LDB3: variants seen among roughly 807,000 people sequenced by gnomAD.
The protein encoded by LDB3 is LIM domain binding 3, also known as LIM domain-binding protein 3.
Under a neutral mutation model 69.0 loss-of-function variants are expected in LDB3, and 49 were observed. The ratio of observed to expected loss-of-function variants is 0.71; its 90% CI spans 0.56 to 0.90. LDB3 has a LOEUF of 0.90. LDB3 is among the 40% of genes least tolerant of loss of function. The pLI is 0.00. For synonymous variants in LDB3, 387 were observed against 396.2 expected (o/e 0.98, Z 0.28); for missense variants, 928 against 974.1 (o/e 0.95, Z 0.63).
chr10:86,681,329 G>C, intron 4 of LDB3, 107 bp from the exon 5 acceptor site: 7 of 1,531,560 alleles, frequency 4.6e-6, no homozygotes, highest in Non-Finnish European at 6.2e-6. Flanking sequence ...TTCAGGCTGC[G>C]GGGCTCGCGC....
chr10:86,695,792 T>C (rs559381904), intron 7 of LDB3, among the ~76,000 whole-genome samples: 4 of 152,320 alleles, frequency 2.6e-5, no homozygotes, highest in South Asian at 2.1e-4. Context: ...GGCAGCCACA[T>C]TGGGGATAGG....
chr10:86,696,122 G>A (rs4933405), intron 7 of LDB3, among the ~76,000 whole-genome samples: 95,205 of 151,996 alleles, frequency 0.63, 30,029 homozygotes, highest in Admixed American at 0.7. Flanking sequence ...CTTCCAATAA[G>A]ATGCCAGGGC....
At chr10:86,722,451 A>G (rs934498266) in intron 12 of LDB3, among the ~76,000 whole-genome samples, 9 of 150,570 alleles carry the variant, frequency 6.0e-5, no homozygotes, top group Non-Finnish European at 1.0e-4. Context: ...TGGTAGAGAC[A>G]GGGTTTCACC....
In LDB3 at chr10:86,724,446, T is replaced by TA. The variant is rs556783885; in HGVS notation, c.1979-1684dup. Among the ~76,000 whole-genome samples the TA allele has an allele frequency of 1.0e-3, 150 of 148,954 alleles. 1 individual carries two copies. The highest frequency in any genetic ancestry group is 1.8e-3 in the Non-Finnish European group (119 of 67,250). ...GGTGAAGCCCCATCTCTACTAAAAA[T>TA]AAAAAAATATAGCTGGGTGTGGTGG... is the stretch of plus-strand genomic sequence containing the variant. On this transcript the variant is annotated intron_variant, in intron 12 of 13. Transcript: ENST00000361373.
At chr10:86,723,053 G>A (rs1335486646) in intron 12 of LDB3, among the ~76,000 whole-genome samples, 2 of 151,796 alleles carry the variant, frequency 1.3e-5, no homozygotes, top group Non-Finnish European at 2.9e-5. Flanking sequence ...GACCCCTTGA[G>A]CCCAGGAGTT....
chr10:86,718,767 G>GCTT lies in LDB3; in HGVS notation c.1900_1902dup (p.Phe634dup). Reference sequence around the variant, plus strand: ...TTGAGACAGACATGGCACACCACCTGCTTCGTCTGTGCGGCCTGCAAGAAG... The same window carrying GCTT: ...TTGAGACAGACATGGCACACCACCTGCTTCTTCGTCTGTGCGGCCTGCAAGAAG... On this transcript the variant is annotated inframe_insertion, in exon 12 of 14. Coordinates refer to ENST00000361373, the MANE Select transcript of LDB3 (RefSeq NM_007078.3). The GCTT allele has an allele frequency of 1.9e-6, 3 of 1,614,162 alleles. No homozygotes were observed. Among genetic ancestry groups the GCTT allele is most frequent in the Non-Finnish European group, 2.5e-6 (3 of 1,180,032 alleles).
At chr10:86,706,768 A>G in intron 8 of LDB3, 49 bp downstream of exon 8, 2 of 1,557,550 alleles carry the variant, frequency 1.3e-6, no homozygotes, top group East Asian at 2.4e-5. Flanking sequence ...GGGAGGCAGG[A>G]AACGCCCCAC....
In LDB3 at chr10:86,677,505, C is replaced by G. The variant is rs77142101; in HGVS notation, c.94-1862C>G. Among the ~76,000 whole-genome samples, 1,030 of 152,270 alleles carry G rather than the reference C, an allele frequency of 6.8e-3. 12 individuals are homozygous for G. Among genetic ancestry groups the G allele is most frequent in the African/African-American group, 0.023 (974 of 41,550 alleles). ...AGGCCGGGGGTGCAGAATTTGGCAT[C>G]GTGCATGATGTCCCCAAGAGTGCAG... On this transcript the variant is annotated intron_variant, in intron 2 of 13. Transcript: ENST00000361373.
At chr10:86,686,126 C>T (rs917713256) in intron 5 of LDB3, among the ~76,000 whole-genome samples, 1 of 152,122 alleles carries the variant, frequency 6.6e-6, no homozygotes, top group Non-Finnish European at 1.5e-5. Flanking sequence ...GGAAGAGCCT[C>T]CTGTGGGTAG....
intron 13 of LDB3, among the ~76,000 whole-genome samples, chr10:86,730,114 G>A (rs1847404021): frequency 3.3e-5 from 5 of 152,148 alleles, no homozygotes; most frequent in Admixed American, 3.3e-4. Flanking sequence ...CCAATTGGAA[G>A]CCCTGTGTGA....
chr10:86,726,090 CG>C, intron 12 of LDB3, 46 bp from the exon 13 acceptor site: 1 of 1,432,964 alleles, frequency 7.0e-7, no homozygotes, highest in Non-Finnish European at 9.8e-7. Context: ...TTTGGGTCCC[CG>C]CTGCCCCCAC....
chr10:86,692,613 C>T (rs751328188), intron 7 of LDB3, 42 bp downstream of exon 7: 23 of 1,576,998 alleles, frequency 1.5e-5, no homozygotes, highest in Non-Finnish European at 4.4e-6. Context: ...GCCCTCTAGC[C>T]CCGTCCCTCC....
rs769156627 is a variant in LDB3 at position 86,717,990 on chromosome 10, G to A, written c.1703G>A (p.Arg568His). The A allele has an allele frequency of 3.4e-5, 55 of 1,613,992 alleles. No homozygotes were observed. The highest frequency in any genetic ancestry group is 2.4e-4 in the East Asian group (11 of 44,898). The change falls in exon 11 of 14, where the codon CGT becomes CAT. Residue 568 changes from arginine to histidine, a missense_variant. Arg to His is a conservative substitution (Grantham distance 29, BLOSUM62 0). Coordinates refer to ENST00000361373, the MANE Select transcript of LDB3 (RefSeq NM_007078.3). ...IRGPFLVAMG[R>H]SWHPEEFTCA... ...GGCCCATTTCTGGTAGCCATGGGCC[G>A]TTCTTGGCACCCTGAAGAGTTCACC...
chr10:86,720,845 G>T (rs35569375), intron 12 of LDB3, among the ~76,000 whole-genome samples: 1 of 151,996 alleles, frequency 6.6e-6, no homozygotes, highest in Non-Finnish European at 1.5e-5. Flanking sequence ...GGAAGAAGAC[G>T]GTCTAGTGTT....
At chr10:86,672,948 GGCTA>G (rs1306192780) in intron 2 of LDB3, among the ~76,000 whole-genome samples, 1 of 152,194 alleles carries the variant, frequency 6.6e-6, no homozygotes, top group Non-Finnish European at 1.5e-5. Context: ...CTCTGCTGGG[GGCTA>G]GCTCCCCAAT....
rs1340092233 is a variant in LDB3, at chr10:86,735,008, AAC to A, written c.*2033_*2034del. 6.9e-5 allele frequency: 10 copies of A among 145,752 alleles called. No individual in the cohort carries two copies. The highest frequency in any genetic ancestry group is 4.1e-4 in the Admixed American group (6 of 14,508). 9.0% of individuals were successfully genotyped at this position (145,752 alleles called of 1,614,324 possible). A position where few individuals can be genotyped will look rare whatever the true frequency, so the allele number is the denominator to read the frequency against. ...TCTTGAGGAAGGAAAAAAAAAAAAA[AAC>A]GTTCCCAGAATTCAGTTTCCAAAAT... is the stretch of plus-strand genomic sequence containing the variant. On this transcript the variant is annotated 3_prime_UTR_variant, in exon 14 of 14. Transcript: ENST00000361373.
intron 13 of LDB3, 25 bp from the exon 14 acceptor site, chr10:86,732,862 C>G: frequency 6.3e-7 from 1 of 1,596,354 alleles, no homozygotes; most frequent in Non-Finnish European, 8.6e-7. Flanking sequence ...ACGTGGGTCT[C>G]ACGCAGGTCT....
chr10:86,678,973 G>C (rs1844953124), intron 2 of LDB3, among the ~76,000 whole-genome samples: 1 of 152,150 alleles, frequency 6.6e-6, no homozygotes, highest in South Asian at 2.1e-4. Flanking sequence ...AACAACAAAA[G>C]TTTCTCATTC....
At chr10:86,694,535 C>T (rs925718232) in intron 7 of LDB3, among the ~76,000 whole-genome samples, 1 of 152,212 alleles carries the variant, frequency 6.6e-6, no homozygotes, top group Non-Finnish European at 1.5e-5. Flanking sequence ...TCAGGCCCTG[C>T]AGTGGAGGCT....
Sources: gnomAD v4.1 joint callset for allele counts (sites outside exome capture counted in the v4.1 genomes callset) on GRCh38, gnomAD v4.1.1 for gene constraint, MANE v1.5 for transcripts, NCBI Gene and HGNC (gene_info 2026-07-23, HGNC 2026-07-21) for gene names.